The following RPIA variants were observed in gnomAD, a reference collection of about 807,000 sequenced individuals.
RPIA encodes the protein ribose-5-phosphate isomerase.
RPIA carries 29 observed loss-of-function variants against 37.8 expected under a neutral mutation model. The ratio of observed to expected loss-of-function variants is 0.77; its 90% CI spans 0.57 to 1.05. The LOEUF is 1.05. Among genes scored for constraint, RPIA ranks in the 50% least tolerant of loss-of-function variants. The probability of loss-of-function intolerance (pLI) is 0.00; values close to 1 mark genes in which losing one functional copy is unlikely to be tolerated. For missense variants in RPIA, 385 were observed against 413.6 expected (o/e 0.93, Z 0.60); for synonymous variants, 167 against 157.0 (o/e 1.06, Z -0.48).
chr2:88,749,909 C>T (rs1673482498), intron 8 of RPIA, 72 bp from the exon 9 acceptor site: 20 of 1,014,686 alleles, frequency 2.0e-5, no homozygotes, highest in Non-Finnish European at 1.6e-6. Flanking sequence ...CTTCTAGTGA[C>T]CCTGCAGTCT....
At chr2:88,746,669 G>A in intron 8 of RPIA, among the ~76,000 whole-genome samples, 1 of 152,344 alleles carries the variant, frequency 6.6e-6, no homozygotes, top group Admixed American at 6.5e-5. Flanking sequence ...TGGCAGGAGA[G>A]TGAAGTGGAC....
chr2:88,702,644 C>T (rs1672846101), intron 3 of RPIA, among the ~76,000 whole-genome samples: 1 of 152,210 alleles, frequency 6.6e-6, no homozygotes, highest in Non-Finnish European at 1.5e-5. Context: ...ACTCCCACAA[C>T]ACATGGGAAT....
intron 3 of RPIA, among the ~76,000 whole-genome samples, chr2:88,710,990 G>T (rs1001860157): frequency 2.0e-5 from 3 of 152,234 alleles, no homozygotes; most frequent in Non-Finnish European, 4.4e-5. Flanking sequence ...AGCCTATTAT[G>T]AGAGTTCCCT....
At position 88,738,081 on chromosome 2, in the gene RPIA, CAT is replaced by C; in HGVS notation, c.838+6_838+7del. On this transcript the variant is annotated splice_donor_region_variant and intron_variant, in intron 8 of 8. Coordinates refer to ENST00000283646, the MANE Select transcript of RPIA (RefSeq NM_144563.3). ...CAGCTATCAAAATGATCCCAGGTAACATGAGTGGTGTTCACCAGTCATATACA... is the reference window on the plus strand; with the variant it reads ...CAGCTATCAAAATGATCCCAGGTAACGAGTGGTGTTCACCAGTCATATACA... 1.9e-6 allele frequency: 3 copies of C among 1,605,784 alleles called. No individual in the cohort carries two copies. The highest frequency in any genetic ancestry group is 2.6e-6 in the Non-Finnish European group (3 of 1,172,436).
intron 6 of RPIA, among the ~76,000 whole-genome samples, chr2:88,736,100 T>C (rs1239995758): frequency 6.6e-6 from 1 of 152,218 alleles, no homozygotes; most frequent in Admixed American, 6.5e-5. Context: ...CCACGGGCAG[T>C]GACTCAGCAT....
chr2:88,726,166 C>G (rs181174222), intron 3 of RPIA, among the ~76,000 whole-genome samples: 125 of 152,210 alleles, frequency 8.2e-4, no homozygotes, highest in Non-Finnish European at 1.6e-3. Context: ...ACAGACAGTG[C>G]TCACCGACCA....
At chr2:88,714,805 T>C (rs968562793) in intron 3 of RPIA, among the ~76,000 whole-genome samples, 5 of 152,198 alleles carry the variant, frequency 3.3e-5, no homozygotes, top group African/African-American at 1.2e-4. Context: ...GGCATGAACA[T>C]GTGACTTGTT....
At chr2:88,712,890 C>T (rs947638879) in intron 3 of RPIA, among the ~76,000 whole-genome samples, 9 of 151,380 alleles carry the variant, frequency 5.9e-5, no homozygotes, top group African/African-American at 9.7e-5. Context: ...TTTTTTTAGA[C>T]GGTGTCTTGC....
chr2:88,715,369 C>T (rs1236715010), intron 3 of RPIA, among the ~76,000 whole-genome samples: 1 of 152,180 alleles, frequency 6.6e-6, no homozygotes, highest in African/African-American at 2.4e-5. Flanking sequence ...CTGAAAAAAT[C>T]ATAAGCAATT....
At chr2:88,726,947 C>T (rs879761235) in intron 3 of RPIA, among the ~76,000 whole-genome samples, 8 of 152,162 alleles carry the variant, frequency 5.3e-5, no homozygotes, top group Admixed American at 5.2e-4. Context: ...CCATGTTGGT[C>T]AGACTGGTCT....
chr2:88,709,015 C>T (rs1312157171), intron 3 of RPIA, among the ~76,000 whole-genome samples: 1 of 152,192 alleles, frequency 6.6e-6, no homozygotes, highest in Non-Finnish European at 1.5e-5. Flanking sequence ...CTGGGCCTCC[C>T]AAAGTGCTGG....
chr2:88,727,311 AG>A (rs1673211667), intron 3 of RPIA, among the ~76,000 whole-genome samples: 1 of 152,360 alleles, frequency 6.6e-6, no homozygotes, highest in Admixed American at 6.5e-5. Flanking sequence ...TCAGGAGGTG[AG>A]GATTATTGGG....
intron 3 of RPIA, among the ~76,000 whole-genome samples, chr2:88,702,985 C>A (rs1672849609): frequency 6.6e-6 from 1 of 152,188 alleles, no homozygotes; most frequent in East Asian, 1.9e-4. Flanking sequence ...CTACAGGTCC[C>A]ACGCAAGTCT....
Position 88,713,202 on chromosome 2 carries a change from C to T in RPIA, c.402+13138C>T, listed in dbSNP as rs191232081. Among the ~76,000 whole-genome samples the T allele has an allele frequency of 2.1e-3, 242 of 115,846 alleles. 1 individual carries two copies. Among genetic ancestry groups the T allele is most frequent in the African/African-American group, 7.8e-3 (232 of 29,896 alleles). The allele number at this position is 115,846 out of a possible 152,430, so 76.0% of individuals were successfully genotyped here. A position where few individuals can be genotyped will look rare whatever the true frequency, so the allele number is the denominator to read the frequency against. The stretch of plus-strand genomic sequence containing the variant: ...TTGAGACAGTGTCTTCTCACTGTCA[C>T]CCACGCTGGAGTGCAGTGGTGCAAT... On this transcript the variant is annotated intron_variant, in intron 3 of 8. Transcript: ENST00000283646.
At position 88,750,157 on chromosome 2, in the gene RPIA, C is replaced by A; in HGVS notation, c.*79C>A. 1 of 999,196 alleles carries A rather than the reference C, an allele frequency of 1.0e-6. No individual in the cohort carries two copies. Among genetic ancestry groups the A allele is most frequent in the Non-Finnish European group, 1.6e-6 (1 of 635,820 alleles). 61.9% of individuals were successfully genotyped at this position (999,196 alleles called of 1,614,324 possible). On this transcript the variant is annotated 3_prime_UTR_variant, in exon 9 of 9. Transcript: ENST00000283646. ...GGACGTACCTCTCCAGGAGCCTTTG[C>A]CTTAATGTATCTCTGCCTGGACAAC...
intron 8 of RPIA, among the ~76,000 whole-genome samples, chr2:88,749,490 G>T (rs145408362): frequency 2.6e-4 from 39 of 152,224 alleles, no homozygotes; most frequent in African/African-American, 9.1e-4. Context: ...TTATATTTTT[G>T]ATATGAGTCC....
chr2:88,745,279 G>A (rs189027318), intron 8 of RPIA, among the ~76,000 whole-genome samples: 84 of 152,112 alleles, frequency 5.5e-4, no homozygotes, highest in Non-Finnish European at 9.0e-4. Context: ...TACATTCAGC[G>A]TTAATATTGA....
At chr2:88,742,537 T>C (rs191002899) in intron 8 of RPIA, among the ~76,000 whole-genome samples, 77 of 152,320 alleles carry the variant, frequency 5.1e-4, no homozygotes, top group African/African-American at 1.8e-3. Flanking sequence ...GTGGGCTCTT[T>C]GCTTTTCCAT....
chr2:88,716,041 T>C lies in RPIA; in HGVS notation c.403-13237T>C, dbSNP rs969861188. On this transcript the variant is annotated intron_variant, in intron 3 of 8. Transcript: ENST00000283646. ...AAAATTTGCCCACAAGGAACTTCCT[T>C]GTGGACAAAAGACAGAACTCAAAGT... 4.0e-4 allele frequency among the ~76,000 whole-genome samples: 61 copies of C among 152,086 alleles called. 1 individual carries two copies. Among genetic ancestry groups the C allele is most frequent in the African/African-American group, 1.4e-3 (59 of 41,402 alleles).
Sources: gnomAD v4.1 joint callset for allele counts (sites outside exome capture counted in the v4.1 genomes callset) on GRCh38, gnomAD v4.1.1 for gene constraint, MANE v1.5 for transcripts, NCBI Gene and HGNC (gene_info 2026-07-23, HGNC 2026-07-21) for gene names.